Variants in SHPK observed in about 807,000 individuals in gnomAD.
SHPK encodes sedoheptulokinase, also known as carbohydrate kinase-like protein.
In SHPK, 51 loss-of-function variants were observed where a neutral mutation model predicts 46.3. The ratio of observed to expected loss-of-function variants is 1.10; its 90% CI spans 0.88 to 1.39. The LOEUF is 1.39. SHPK is among the 40% of genes most tolerant of loss of function. The pLI is 0.00. For missense variants in SHPK, 668 were observed against 641.3 expected (o/e 1.04, Z -0.45); for synonymous variants, 290 against 273.9 (o/e 1.06, Z -0.58).
intron 1 of SHPK, among the ~76,000 whole-genome samples, chr17:3,633,827 G>C (rs1251250743): frequency 6.6e-6 from 1 of 152,076 alleles, no homozygotes; most frequent in South Asian, 2.1e-4. Flanking sequence ...GAATAGAAAA[G>C]GGGGAAAGGT....
In SHPK at chr17:3,610,695, C is replaced by T. The variant is rs866520195; in HGVS notation, c.1302G>A (p.Leu434=). 1.2e-6 allele frequency: 2 copies of T among 1,614,138 alleles called. No individual in the cohort carries two copies. The highest frequency in any genetic ancestry group is 8.5e-7 in the Non-Finnish European group (1 of 1,180,022). ...CCTGCTTCAGCACGTCATTCCTGGACAGCGCACTCCCACTGCCCATCACCC... is the reference window on the plus strand; with the variant it reads ...CCTGCTTCAGCACGTCATTCCTGGATAGCGCACTCCCACTGCCCATCACCC... The part of the protein sequence containing the change: ...VERVMGSGSA[L]SRNDVLKQEV... Residue 434 remains leucine, a synonymous_variant, in exon 7 of 7, where the codon CTG becomes CTA. Transcript: ENST00000225519.
Position 3,623,940 on chromosome 17 carries a change from ACACT to A in SHPK, c.494+104_494+107del, listed in dbSNP as rs2075417604. On this transcript the variant is annotated intron_variant, in intron 3 of 6. Coordinates refer to ENST00000225519, the MANE Select transcript of SHPK (RefSeq NM_013276.4). ...ATGCTGCATCCTGTCCTGCCAGGACACACTCACTGCGGCACAGCCCAGCAGGCGG... is the reference window on the plus strand; with the variant it reads ...ATGCTGCATCCTGTCCTGCCAGGACACACTGCGGCACAGCCCAGCAGGCGG... 6 of 1,099,464 alleles carry A rather than the reference ACACT, an allele frequency of 5.5e-6. No homozygotes were observed. The East Asian group carries it at 1.4e-4, about 26-fold the overall frequency. The allele number at this position is 1,099,464 out of a possible 1,614,324, so 68.1% of individuals were successfully genotyped here.
intron 2 of SHPK, among the ~76,000 whole-genome samples, chr17:3,625,941 T>C (rs1327987021): frequency 1.3e-5 from 2 of 152,094 alleles, no homozygotes; most frequent in Non-Finnish European, 2.9e-5. Flanking sequence ...TAATCCCAGC[T>C]ACTCCGGAGG....
At chr17:3,613,811 C>T (rs556962414) in intron 6 of SHPK, among the ~76,000 whole-genome samples, 84 of 152,284 alleles carry the variant, frequency 5.5e-4, no homozygotes, top group Non-Finnish European at 7.1e-4. Flanking sequence ...CCTCCCGCCT[C>T]GGCCTCCTGA....
chr17:3,615,566 C>A (rs751659876), intron 5 of SHPK, 29 bp from the exon 6 acceptor site: 1 of 1,604,038 alleles, frequency 6.2e-7, no homozygotes, highest in Admixed American at 1.7e-5. Flanking sequence ...AGAGCTTAGG[C>A]CTGTCGGGCT....
rs140922564 is a variant in SHPK, at chr17:3,623,505, C to CA, written c.495-15dup. The stretch of plus-strand genomic sequence containing the variant: ...AGGAACTCTGGGCTGTTTTTCATAC[C>CA]AAAAACAACCAACACGGTATAACAT... On this transcript the variant is annotated splice_polypyrimidine_tract_variant and intron_variant, in intron 3 of 6. Coordinates refer to ENST00000225519, the MANE Select transcript of SHPK (RefSeq NM_013276.4). 3.1e-3 allele frequency: 4,983 copies of CA among 1,612,976 alleles called. 161 individuals carry two copies. The African/African-American group carries it at 0.06, about 19-fold the overall frequency.
At position 3,630,187 on chromosome 17, in the gene SHPK, T is replaced by A. The variant is rs1231076109; in HGVS notation, c.310+18A>T. On this transcript the variant is annotated intron_variant, in intron 2 of 6. Coordinates refer to ENST00000225519, the MANE Select transcript of SHPK (RefSeq NM_013276.4). Reference sequence around the variant, plus strand: ...AGTGACTGCTACCAGCCTGAGAGCATCCCCGAGCCCAGCATACCTTGGCCT... The same window carrying A: ...AGTGACTGCTACCAGCCTGAGAGCAACCCCGAGCCCAGCATACCTTGGCCT... 5 of 1,613,420 alleles carry A rather than the reference T, an allele frequency of 3.1e-6. No homozygotes were observed. Among genetic ancestry groups the A allele is most frequent in the Non-Finnish European group, 4.2e-6 (5 of 1,179,862 alleles).
intron 1 of SHPK, among the ~76,000 whole-genome samples, chr17:3,635,242 G>GAAGGAAGGAAGGAAGGA (rs2075508879): frequency 6.7e-6 from 1 of 150,196 alleles, no homozygotes; most frequent in Non-Finnish European, 1.5e-5. Context: ...AGGAAGGAAG[G>GAAGGAAGGAAGGAAGGA]AAGGGAAGGA....
At chr17:3,619,715 A>G in intron 5 of SHPK, 1 of 334,104 alleles carries the variant, frequency 3.0e-6, no homozygotes, top group Non-Finnish European at 5.7e-6. Flanking sequence ...CCTGGGCGAC[A>G]GAGTGAGACT....
At chr17:3,634,394 AC>A (rs1288170126) in intron 1 of SHPK, among the ~76,000 whole-genome samples, 20 of 151,766 alleles carry the variant, frequency 1.3e-4, no homozygotes, top group Admixed American at 9.2e-4. Context: ...ACATGGTGAA[AC>A]CCCATCTCTA....
Position 3,610,725 on chromosome 17 carries a change from C to T in SHPK, c.1272G>A (p.Val424=), listed in dbSNP as rs752746678. The T allele has an allele frequency of 6.2e-7, 1 of 1,614,146 alleles. No individual in the cohort carries two copies. The highest frequency in any genetic ancestry group is 8.5e-7 in the Non-Finnish European group (1 of 1,180,020). The part of the protein sequence containing the change: ...LPIQQLQEWG[V]ERVMGSGSAL... ...CACTCCCACTGCCCATCACCCTCTC[C>T]ACGCCCCACTCCTGGAGCTGCTGAA... is the stretch of plus-strand genomic sequence containing the variant. The change falls in exon 7 of 7, where the codon GTG becomes GTA. Residue 424 remains valine (V), a synonymous_variant. Coordinates refer to ENST00000225519, the MANE Select transcript of SHPK (RefSeq NM_013276.4).
rs371958939 is a variant in SHPK at position 3,631,512 on chromosome 17, C to CTTTTTTTTT, written c.169-1175_169-1167dup. Among the ~76,000 whole-genome samples, 90 of 53,052 alleles carry CTTTTTTTTT rather than the reference C, an allele frequency of 1.7e-3. 29 individuals carry two copies. Among genetic ancestry groups the CTTTTTTTTT allele is most frequent in the East Asian group, 0.015 (21 of 1,436 alleles). The allele number at this position is 53,052 out of a possible 152,430, so 34.8% of individuals were successfully genotyped here. A position where few individuals can be genotyped will look rare whatever the true frequency, so the allele number is the denominator to read the frequency against. On this transcript the variant is annotated intron_variant, in intron 1 of 6. Coordinates refer to ENST00000225519, the MANE Select transcript of SHPK (RefSeq NM_013276.4). The stretch of plus-strand genomic sequence containing the variant: ...AAAATATACACTATCTAATTTAATG[C>CTTTTTTTTT]TTTTTTTTTTTTTTTTTTTTTTTTT...
rs529303788 is a variant in SHPK at position 3,624,236 on chromosome 17, A to G, written c.311-5T>C. Reference sequence around the variant, plus strand: ...CTCCCTCTGTCCATTCACAGCCTGGAACAAAAGAGATGACCAAAAATGAAG... The same window carrying G: ...CTCCCTCTGTCCATTCACAGCCTGGGACAAAAGAGATGACCAAAAATGAAG... On this transcript the variant is annotated splice_region_variant and splice_polypyrimidine_tract_variant and intron_variant, in intron 2 of 6. Coordinates refer to ENST00000225519, the MANE Select transcript of SHPK (RefSeq NM_013276.4). 1.3e-6 allele frequency: 2 copies of G among 1,595,922 alleles called. No individual in the cohort carries two copies. Among genetic ancestry groups the G allele is most frequent in the South Asian group, 2.2e-5 (2 of 90,216 alleles).
At chr17:3,618,119 G>A (rs2075378871) in intron 5 of SHPK, among the ~76,000 whole-genome samples, 2 of 152,082 alleles carry the variant, frequency 1.3e-5, no homozygotes, top group African/African-American at 2.4e-5. Context: ...TTGTTTGTTT[G>A]TTTTTGAGAC....
At chr17:3,623,225 C>T in intron 4 of SHPK, 114 bp downstream of exon 4, 1 of 1,206,634 alleles carries the variant, frequency 8.3e-7, no homozygotes, top group East Asian at 2.4e-5. Flanking sequence ...CTGATCCTGG[C>T]CTCTGGGAAC....
At chr17:3,635,245 G>GGGAGGGAA (rs2075509323) in intron 1 of SHPK, among the ~76,000 whole-genome samples, 1 of 35,144 alleles carries the variant, frequency 2.8e-5, no homozygotes, top group African/African-American at 7.3e-5. Context: ...AAGGAAGGAA[G>GGGAGGGAA]GGAAGGAAGG....
rs1351856943 is a variant in SHPK at position 3,610,509 on chromosome 17, A to C, written c.*51T>G. The C allele has an allele frequency of 6.5e-7, 1 of 1,529,918 alleles. No individual in the cohort carries two copies. The highest frequency in any genetic ancestry group is 1.2e-5 in the South Asian group (1 of 81,446). The allele number at this position is 1,529,918 out of a possible 1,614,324, so 94.8% of individuals were successfully genotyped here. A position where few individuals can be genotyped will look rare whatever the true frequency, so the allele number is the denominator to read the frequency against. Reference sequence around the variant, plus strand: ...GGATGACCCACAGATGGTGTCAGGAATGTTAATCAGGTAAAATTCACAGCA... The same window carrying C: ...GGATGACCCACAGATGGTGTCAGGACTGTTAATCAGGTAAAATTCACAGCA... On this transcript the variant is annotated 3_prime_UTR_variant, in exon 7 of 7. Coordinates refer to ENST00000225519, the MANE Select transcript of SHPK (RefSeq NM_013276.4).
At position 3,610,309 on chromosome 17, in the gene SHPK, A is replaced by G. The variant is rs2075328463; in HGVS notation, c.*251T>C. On this transcript the variant is annotated 3_prime_UTR_variant, in exon 7 of 7. Transcript: ENST00000225519. ...TGCTCTCATGCTCTCTCTCTCCCAC[A>G]TGGACATTTGTAAATAGCTCCCAGG... The G allele has an allele frequency of 2.1e-6, 1 of 481,992 alleles. No individual in the cohort carries two copies. Among genetic ancestry groups the G allele is most frequent in the Non-Finnish European group, 3.8e-6 (1 of 264,472 alleles). 29.9% of individuals were successfully genotyped at this position (481,992 alleles called of 1,614,324 possible).
At chr17:3,626,451 C>CA (rs548670456) in intron 2 of SHPK, among the ~76,000 whole-genome samples, 3 of 152,050 alleles carry the variant, frequency 2.0e-5, no homozygotes, top group African/African-American at 4.8e-5. Context: ...CGCAGTGGCT[C>CA]ACACCTGTAA....
Sources: allele counts gnomAD v4.1 joint callset (sites outside exome capture counted in the v4.1 genomes callset), GRCh38; gene constraint gnomAD v4.1.1; transcripts MANE v1.5; gene names NCBI Gene and HGNC (gene_info 2026-07-23, HGNC 2026-07-21).